OLA1: variants seen among roughly 807,000 people sequenced by gnomAD.
The protein encoded by OLA1 is obg-like ATPase 1.
A neutral mutation model predicts 48.4 loss-of-function variants in OLA1; 14 were observed. The ratio of observed to expected loss-of-function variants is 0.29; its 90% CI spans 0.19 to 0.45. OLA1 has a LOEUF of 0.45. Among genes scored for constraint, OLA1 ranks in the 20% least tolerant of loss-of-function variants. The probability of loss-of-function intolerance (pLI) is 1.00; values close to 1 mark genes in which losing one functional copy is unlikely to be tolerated. For missense variants in OLA1, 325 were observed against 467.1 expected (o/e 0.70, Z 2.80); for synonymous variants, 127 against 150.4 (o/e 0.84, Z 1.14).
chr2:174,138,608 T>C (rs1474633231), intron 5 of OLA1, among the ~76,000 whole-genome samples: 2 of 152,038 alleles, frequency 1.3e-5, no homozygotes, highest in African/African-American at 4.8e-5. Flanking sequence ...CAACACAGCG[T>C]TGCCACAAAC....
At chr2:174,185,926 CAAAT>C (rs138608479) in intron 4 of OLA1, among the ~76,000 whole-genome samples, 7 of 151,700 alleles carry the variant, frequency 4.6e-5, no homozygotes, top group South Asian at 2.1e-4. Context: ...GACTCCAACT[CAAAT>C]AAATAAATAA....
chr2:174,219,671 C>A (rs573414674), intron 4 of OLA1, among the ~76,000 whole-genome samples: 40 of 152,116 alleles, frequency 2.6e-4, no homozygotes, highest in African/African-American at 8.4e-4. Context: ...ATCTGCCTGC[C>A]CCAGTCTCCC....
intron 4 of OLA1, among the ~76,000 whole-genome samples, chr2:174,215,360 A>T (rs968725553): frequency 6.6e-6 from 1 of 152,236 alleles, no homozygotes; most frequent in Admixed American, 6.5e-5. Flanking sequence ...AATGCTTTAC[A>T]TAACAAATTT....
intron 4 of OLA1, among the ~76,000 whole-genome samples, chr2:174,146,613 GAGA>G (rs1686606787): frequency 6.6e-6 from 1 of 152,228 alleles, no homozygotes; most frequent in Non-Finnish European, 1.5e-5. Context: ...ACTGAGGGAG[GAGA>G]AGAACTTGGC....
intron 4 of OLA1, among the ~76,000 whole-genome samples, chr2:174,149,420 C>CA (rs769021385): frequency 4.6e-5 from 7 of 152,254 alleles, no homozygotes; most frequent in African/African-American, 9.6e-5. Context: ...CTTTCACTAA[C>CA]AGAATCTCCA....
At chr2:174,176,831 A>G (rs1377984286) in intron 4 of OLA1, among the ~76,000 whole-genome samples, 1 of 152,144 alleles carries the variant, frequency 6.6e-6, no homozygotes, top group African/African-American at 2.4e-5. Flanking sequence ...TAGATGCTAA[A>G]CTCATCAATT....
chr2:174,218,765 G>A (rs1484661528), intron 4 of OLA1, among the ~76,000 whole-genome samples: 1 of 152,130 alleles, frequency 6.6e-6, no homozygotes, highest in Admixed American at 6.6e-5. Context: ...AACCCCAGGG[G>A]TGGGAGGGGA....
chr2:174,236,362 T>TA (rs1688851582), intron 2 of OLA1, among the ~76,000 whole-genome samples: 1 of 151,950 alleles, frequency 6.6e-6, no homozygotes, highest in East Asian at 1.9e-4. Flanking sequence ...AAATTATTGT[T>TA]AAAAAGATAC....
chr2:174,193,833 T>TGAGA (rs1687826733), intron 4 of OLA1, among the ~76,000 whole-genome samples: 1 of 152,132 alleles, frequency 6.6e-6, no homozygotes, highest in Non-Finnish European at 1.5e-5. Flanking sequence ...AGTTTGATGG[T>TGAGA]GAGAAATGGT....
chr2:174,182,170 A>G (rs1323259541), intron 4 of OLA1, among the ~76,000 whole-genome samples: 1 of 152,270 alleles, frequency 6.6e-6, no homozygotes, highest in East Asian at 1.9e-4. Context: ...AGAATGCTAC[A>G]TAACCATTAA....
intron 4 of OLA1, among the ~76,000 whole-genome samples, chr2:174,149,880 C>CA (rs921124893): frequency 3.1e-4 from 47 of 152,252 alleles, no homozygotes; most frequent in African/African-American, 1.0e-3. Context: ...ACTTCAGAAA[C>CA]AAAAATATAC....
intron 3 of OLA1, 33 bp from the exon 4 acceptor site, chr2:174,223,193 A>C: frequency 1.2e-6 from 2 of 1,602,406 alleles, no homozygotes; most frequent in Non-Finnish European, 1.7e-6. Context: ...ATTATAAAAC[A>C]GTACTAAAAA....
chr2:174,204,034 C>A (rs1455696778), intron 4 of OLA1, among the ~76,000 whole-genome samples: 1 of 151,732 alleles, frequency 6.6e-6, no homozygotes, highest in African/African-American at 2.4e-5. Flanking sequence ...ACCTCGTGAT[C>A]CACCTGCCTT....
intron 4 of OLA1, among the ~76,000 whole-genome samples, chr2:174,194,917 T>C (rs554654865): frequency 7.9e-5 from 12 of 152,306 alleles, no homozygotes; most frequent in Non-Finnish European, 1.5e-4. Context: ...GGAGTTTTTA[T>C]CTTGTATACA....
chr2:174,077,434 GA>G (rs1425311605), intron 10 of OLA1, among the ~76,000 whole-genome samples: 1 of 152,012 alleles, frequency 6.6e-6, no homozygotes, highest in African/African-American at 2.4e-5. Flanking sequence ...AACATTTGTT[GA>G]ATAAAGGAGC....
intron 7 of OLA1, among the ~76,000 whole-genome samples, chr2:174,109,115 A>C (rs1220985466): frequency 6.6e-6 from 1 of 152,200 alleles, no homozygotes; most frequent in African/African-American, 2.4e-5. Context: ...CAAATGTGTA[A>C]CTATTGAATA....
At chr2:174,179,830 C>T (rs2105412651) in intron 4 of OLA1, among the ~76,000 whole-genome samples, 1 of 152,156 alleles carries the variant, frequency 6.6e-6, no homozygotes, top group Admixed American at 6.5e-5. Flanking sequence ...TGAAACACTC[C>T]TTGTTTCTGA....
In OLA1 at chr2:174,145,507, T is replaced by G. The variant is rs753205648; in HGVS notation, c.374-3507A>C. 5.9e-5 allele frequency among the ~76,000 whole-genome samples: 9 copies of G among 152,296 alleles called. No individual in the cohort carries two copies. In the South Asian group the frequency reaches 1.2e-3, roughly 21 times the overall value. On this transcript the variant is annotated intron_variant, in intron 4 of 10. Transcript: ENST00000284719. ...TGCAACGCTCGATGAGAAAGTTACT[T>G]TTATTACAATTCTCTTTCAATTTGT...
At chr2:174,081,122 A>C (rs778152754) in intron 9 of OLA1, 30 bp downstream of exon 9, 2 of 1,548,366 alleles carry the variant, frequency 1.3e-6, no homozygotes, top group Non-Finnish European at 8.9e-7. Context: ...GTGGAACTGG[A>C]TATAGCTGAT....
Sources: allele counts gnomAD v4.1 joint callset (sites outside exome capture counted in the v4.1 genomes callset), GRCh38; gene constraint gnomAD v4.1.1; transcripts MANE v1.5; gene names NCBI Gene and HGNC (gene_info 2026-07-23, HGNC 2026-07-21).